LRRC49: variants seen among roughly 807,000 people sequenced by gnomAD.
The protein encoded by LRRC49 is leucine rich repeat containing 49, also known as leucine-rich repeat-containing protein 49.
In LRRC49, 50 loss-of-function variants were observed where a neutral mutation model predicts 83.3. The observed-to-expected ratio is 0.60, with a 90% CI of 0.48 to 0.76. The LOEUF (loss-of-function observed/expected upper bound fraction) is 0.76. Among genes scored for constraint, LRRC49 ranks in the 30% least tolerant of loss-of-function variants. The probability of loss-of-function intolerance (pLI) is 0.00; values close to 1 mark genes in which losing one functional copy is unlikely to be tolerated. For synonymous variants in LRRC49, 286 were observed against 283.3 expected (o/e 1.01, Z -0.10); for missense variants, 704 against 809.1 (o/e 0.87, Z 1.58).
chr15:70,880,130 C>T (rs963965843), intron 2 of LRRC49, among the ~76,000 whole-genome samples: 9 of 152,164 alleles, frequency 5.9e-5, no homozygotes, highest in Non-Finnish European at 1.0e-4. Context: ...GAATTCTCTT[C>T]CCTCAGATCA....
chr15:70,918,987 T>C, intron 6 of LRRC49, 63 bp from the exon 7 acceptor site: 1 of 1,327,260 alleles, frequency 7.5e-7, no homozygotes, highest in Non-Finnish European at 1.0e-6. Context: ...TTTTAGGGTT[T>C]TTAGAACATG....
At chr15:71,036,893 T>G (rs150625158) in intron 14 of LRRC49, among the ~76,000 whole-genome samples, 2 of 152,180 alleles carry the variant, frequency 1.3e-5, no homozygotes, top group Admixed American at 1.3e-4. Context: ...GCTCTGTGAT[T>G]AATTTTTGTG....
intron 10 of LRRC49, among the ~76,000 whole-genome samples, chr15:70,982,838 A>C (rs2037453621): frequency 6.6e-6 from 1 of 152,252 alleles, no homozygotes. Context: ...TAATTAAGCA[A>C]GCCATATCAC....
At chr15:70,866,707 A>G (rs2032921834) in intron 1 of LRRC49, among the ~76,000 whole-genome samples, 1 of 152,176 alleles carries the variant, frequency 6.6e-6, no homozygotes, top group African/African-American at 2.4e-5. Context: ...GGAGATACTT[A>G]ACCCATTGGC....
At chr15:70,879,764 G>A (rs952054871) in intron 2 of LRRC49, among the ~76,000 whole-genome samples, 11 of 152,130 alleles carry the variant, frequency 7.2e-5, no homozygotes, top group African/African-American at 2.2e-4. Flanking sequence ...CTTTCCAGAA[G>A]TCCCACAGAG....
rs1357629402 is a variant in LRRC49, at chr15:71,037,226, GTAT to G, written c.1755_1757del (p.Ile586del). The stretch of plus-strand genomic sequence containing the variant: ...CTAGAATCCAAAGGAAAAAAACCTG[GTAT>G]TATCAACGAAGAAAATAATGACAGC... On this transcript the variant is annotated inframe_deletion, in exon 15 of 16. Transcript: ENST00000260382. 2 of 1,610,674 alleles carry G rather than the reference GTAT, an allele frequency of 1.2e-6. No individual in the cohort carries two copies. The highest frequency in any genetic ancestry group is 1.7e-6 in the Non-Finnish European group (2 of 1,178,146).
At chr15:71,018,964 G>T (rs542150167) in intron 14 of LRRC49, among the ~76,000 whole-genome samples, 157 of 152,192 alleles carry the variant, frequency 1.0e-3, no homozygotes, top group African/African-American at 3.7e-3. Flanking sequence ...ATATTACAAA[G>T]GATACAGATG....
intron 3 of LRRC49, among the ~76,000 whole-genome samples, chr15:70,896,385 T>C (rs1260749158): frequency 1.3e-5 from 2 of 152,142 alleles, no homozygotes; most frequent in South Asian, 2.1e-4. Context: ...ACTTGGGATC[T>C]TGGGATCTTG....
chr15:70,909,166 C>A (rs1026078819), intron 5 of LRRC49, among the ~76,000 whole-genome samples: 29 of 152,136 alleles, frequency 1.9e-4, no homozygotes, highest in African/African-American at 6.8e-4. Flanking sequence ...GATACAATCT[C>A]CATTATCCCT....
Position 70,892,831 on chromosome 15 carries a change from T to G in LRRC49, c.-64T>G. 6.2e-7 allele frequency: 1 copy of G among 1,614,174 alleles called. No homozygotes were observed. Among genetic ancestry groups the G allele is most frequent in the Non-Finnish European group, 8.5e-7 (1 of 1,180,018 alleles). On this transcript the variant is annotated 5_prime_UTR_variant, in exon 1 of 16. Transcript: ENST00000260382. ...GGAGATGACCTCTTTCGGGTCTCTT[T>G]GAATCTCCGCTGTAGCGTCACCTGG...
chr15:70,856,824 T>G (rs1215083405), intron 1 of LRRC49, among the ~76,000 whole-genome samples: 1 of 152,134 alleles, frequency 6.6e-6, no homozygotes, highest in East Asian at 1.9e-4. Flanking sequence ...CACTTGCTGA[T>G]TTGCTTTGAT....
intron 8 of LRRC49, among the ~76,000 whole-genome samples, chr15:70,937,096 A>G (rs899373153): frequency 2.6e-5 from 4 of 152,182 alleles, no homozygotes; most frequent in African/African-American, 7.2e-5. Flanking sequence ...AGAAATTTCA[A>G]TGTATATTTT....
intron 2 of LRRC49, among the ~76,000 whole-genome samples, chr15:70,886,248 G>C (rs1489178255): frequency 6.6e-6 from 1 of 152,118 alleles, no homozygotes; most frequent in African/African-American, 2.4e-5. Flanking sequence ...ATTTAGGTTA[G>C]AATTATTAAT....
At chr15:70,866,144 A>C (rs1019500874) in intron 1 of LRRC49, among the ~76,000 whole-genome samples, 1 of 150,096 alleles carries the variant, frequency 6.7e-6, no homozygotes, top group African/African-American at 2.4e-5. Context: ...TTATTTATTT[A>C]TTTATTTATT....
chr15:70,898,073 C>T (rs996931558), intron 3 of LRRC49, among the ~76,000 whole-genome samples: 4 of 152,128 alleles, frequency 2.6e-5, no homozygotes, highest in Admixed American at 6.6e-5. Context: ...TGTACTATGC[C>T]GTCCATCCAT....
At chr15:70,921,814 A>G (rs2035016376) in intron 7 of LRRC49, among the ~76,000 whole-genome samples, 1 of 152,178 alleles carries the variant, frequency 6.6e-6, no homozygotes, top group Non-Finnish European at 1.5e-5. Context: ...CACCCATTGA[A>G]TCTTGGAAAG....
chr15:70,963,177 C>G (rs2036667590), intron 8 of LRRC49, among the ~76,000 whole-genome samples: 2 of 148,392 alleles, frequency 1.3e-5, no homozygotes, highest in Non-Finnish European at 3.0e-5. Flanking sequence ...TTGGGTTGCT[C>G]AGGTGGGAGG....
chr15:70,931,511 TG>T (rs2035406402), intron 7 of LRRC49, among the ~76,000 whole-genome samples: 1 of 152,150 alleles, frequency 6.6e-6, no homozygotes, highest in African/African-American at 2.4e-5. Flanking sequence ...CTGACTTGGT[TG>T]ATACAGGATT....
chr15:70,853,930 G>A, intron 1 of LRRC49: 3 of 1,418,406 alleles, frequency 2.1e-6, no homozygotes, highest in Non-Finnish European at 2.8e-6. Flanking sequence ...CGCTGCCCCA[G>A]CCGGGGCTGA....
Sources: allele counts gnomAD v4.1 joint callset (sites outside exome capture counted in the v4.1 genomes callset), GRCh38; gene constraint gnomAD v4.1.1; transcripts MANE v1.5; gene names NCBI Gene and HGNC (gene_info 2026-07-23, HGNC 2026-07-21).